WASF2: variants seen among roughly 807,000 people sequenced by gnomAD.
WASF2 encodes the protein actin-binding protein WASF2.
A neutral mutation model predicts 45.0 loss-of-function variants in WASF2; 14 were observed. The ratio of observed to expected loss-of-function variants is 0.31; its 90% CI spans 0.21 to 0.49. WASF2 has a LOEUF of 0.49. Among genes scored for constraint, WASF2 ranks in the 20% least tolerant of loss-of-function variants. The pLI is 0.99. For synonymous variants in WASF2, 200 were observed against 236.3 expected, an observed-to-expected ratio of 0.85 and a Z score of 1.41; for missense variants, 439 against 636.1, an observed-to-expected ratio of 0.69 and a Z score of 3.33.
At chr1:27,454,187 A>ATTTTTTTT (rs869057863) in intron 1 of WASF2, among the ~76,000 whole-genome samples, 1 of 12,776 alleles carries the variant, frequency 7.8e-5, no homozygotes, top group African/African-American at 2.1e-4. Context: ...ATATATATAT[A>ATTTTTTTT]TTTTTTTTTT....
intron 8 of WASF2, among the ~76,000 whole-genome samples, chr1:27,409,428 C>CAAAAAAAAAA (rs60940665): frequency 6.9e-3 from 300 of 43,458 alleles, no homozygotes; most frequent in Middle Eastern, 0.023. Flanking sequence ...CTGTCCCCCA[C>CAAAAAAAAAA]AAAAAAAAAA....
intron 1 of WASF2, among the ~76,000 whole-genome samples, chr1:27,486,970 A>G (rs2017936525): frequency 6.8e-6 from 1 of 147,930 alleles, no homozygotes; most frequent in African/African-American, 2.5e-5. Flanking sequence ...GATGATATAT[A>G]TTATATATAA....
Position 27,410,230 on chromosome 1 carries a change from CT to C in WASF2, c.825-25del. 3 of 1,613,584 alleles carry C rather than the reference CT, an allele frequency of 1.9e-6. No homozygotes were observed. Among genetic ancestry groups the C allele is most frequent in the Non-Finnish European group, 2.5e-6 (3 of 1,179,778 alleles). ...AACTAAAAGGCCAAAGAAAAAAAGACTCACCATCACCCTTAGAATGCAGACA... is the reference window on the plus strand; with the variant it reads ...AACTAAAAGGCCAAAGAAAAAAAGACCACCATCACCCTTAGAATGCAGACA... On this transcript the variant is annotated intron_variant, in intron 7 of 8. Transcript: ENST00000618852. This position sits in a 1 kb window ranked among gnomAD's most constrained non-coding sequence, Gnocchi z 4.2.
chr1:27,480,051 T>C (rs181660572), intron 1 of WASF2, among the ~76,000 whole-genome samples: 10 of 152,296 alleles, frequency 6.6e-5, no homozygotes, highest in Admixed American at 3.3e-4. Flanking sequence ...ACAGATGCCG[T>C]TGGTATTCAG....
chr1:27,435,945 G>A (rs115322418), intron 1 of WASF2, among the ~76,000 whole-genome samples: 1,599 of 152,286 alleles, frequency 0.011, 13 homozygotes, highest in Admixed American at 0.02. Context: ...GCTTCTCAAG[G>A]CAGTTCCTCT....
rs148608933 is a variant in WASF2, at chr1:27,457,798, T to C, written c.-43-28865A>G. ...ACCTCTCCTGGCTAATTTTTAAAAATTTTTGTAGAAATTAGGTATCACTAT... is the reference window on the plus strand; with the variant it reads ...ACCTCTCCTGGCTAATTTTTAAAAACTTTTGTAGAAATTAGGTATCACTAT... On this transcript the variant is annotated intron_variant, in intron 1 of 8. Transcript: ENST00000618852. Among the ~76,000 whole-genome samples the C allele has an allele frequency of 1.3e-3, 202 of 152,106 alleles. 1 individual carries two copies. Among genetic ancestry groups the C allele is most frequent in the African/African-American group, 4.6e-3 (190 of 41,524 alleles).
chr1:27,436,926 A>G (rs1215278240), intron 1 of WASF2, among the ~76,000 whole-genome samples: 2 of 152,196 alleles, frequency 1.3e-5, no homozygotes, highest in Non-Finnish European at 2.9e-5. Flanking sequence ...GGAATGACAC[A>G]CCAATTTTGT....
At chr1:27,434,105 A>G (rs1362202625) in intron 1 of WASF2, among the ~76,000 whole-genome samples, 5 of 152,220 alleles carry the variant, frequency 3.3e-5, no homozygotes, top group Non-Finnish European at 7.3e-5. Context: ...AGTTACAGGG[A>G]AGTAGATTTC....
intron 1 of WASF2, among the ~76,000 whole-genome samples, chr1:27,484,698 G>A (rs942693953): frequency 6.6e-6 from 1 of 151,900 alleles, no homozygotes; most frequent in African/African-American, 2.4e-5. Flanking sequence ...TGTAGTCCCA[G>A]CTACTCGGGA....
intron 1 of WASF2, among the ~76,000 whole-genome samples, chr1:27,436,898 T>C (rs1382932008): frequency 2.0e-5 from 3 of 152,224 alleles, no homozygotes; most frequent in African/African-American, 7.2e-5. Flanking sequence ...CTAAAAGAGA[T>C]ATTTCCAATT....
chr1:27,462,993 T>A (rs974576531), intron 1 of WASF2, among the ~76,000 whole-genome samples: 1 of 151,968 alleles, frequency 6.6e-6, no homozygotes, highest in African/African-American at 2.4e-5. Flanking sequence ...CTAATTTTAG[T>A]ATTTTTAGTA....
At chr1:27,459,137 A>C (rs1293425542) in intron 1 of WASF2, among the ~76,000 whole-genome samples, 1 of 151,672 alleles carries the variant, frequency 6.6e-6, no homozygotes, top group Non-Finnish European at 1.5e-5. Flanking sequence ...AAAAAAAAAA[A>C]GTTTCAGAGG....
intron 1 of WASF2, among the ~76,000 whole-genome samples, chr1:27,445,201 A>AT (rs1215866781): frequency 6.6e-6 from 1 of 152,202 alleles, no homozygotes; most frequent in Non-Finnish European, 1.5e-5. Flanking sequence ...AATGTACCAG[A>AT]TATTTATTCA....
In WASF2 at chr1:27,419,183, AACACATACATAT is replaced by A. The variant is rs878919952; in HGVS notation, c.131-107_131-96del. On this transcript the variant is annotated intron_variant, in intron 2 of 8. Transcript: ENST00000618852. The stretch of plus-strand genomic sequence containing the variant: ...TAAAGATCGTGTTCCCTAACCCCCA[AACACATACATAT>A]ACACACACATACCCTAAGACGGTTT... 4.3e-6 allele frequency: 6 copies of A among 1,383,424 alleles called. No homozygotes were observed. In the South Asian group the frequency reaches 7.3e-5, roughly 17 times the overall value. 85.7% of individuals were successfully genotyped at this position (1,383,424 alleles called of 1,614,324 possible).
At chr1:27,478,747 T>A (rs2017805822) in intron 1 of WASF2, among the ~76,000 whole-genome samples, 1 of 151,922 alleles carries the variant, frequency 6.6e-6, no homozygotes, top group Non-Finnish European at 1.5e-5. Context: ...CACACCCAGA[T>A]AATTTTTTGT....
At chr1:27,412,795 G>C (rs1415935310) in intron 6 of WASF2, 68 bp from the exon 7 acceptor site, 1 of 1,578,168 alleles carries the variant, frequency 6.3e-7, no homozygotes, top group East Asian at 2.2e-5. Flanking sequence ...TTCTTAAAAG[G>C]TACTACAAAA....
chr1:27,426,328 G>A lies in WASF2; in HGVS notation c.130+2433C>T, dbSNP rs115190747. 2.5e-3 allele frequency among the ~76,000 whole-genome samples: 387 copies of A among 152,278 alleles called. 1 individual carries two copies. The highest frequency in any genetic ancestry group is 0.01 in the Middle Eastern group (3 of 294). On this transcript the variant is annotated intron_variant, in intron 2 of 8. Coordinates refer to ENST00000618852, the MANE Select transcript of WASF2 (RefSeq NM_006990.5). Reference sequence around the variant, plus strand: ...TATAGGAACAGATTTAAGGGGGTTGGATCAGAGAAAGAAGGTAGAGGGAGG... The same window carrying A: ...TATAGGAACAGATTTAAGGGGGTTGAATCAGAGAAAGAAGGTAGAGGGAGG...
At chr1:27,418,871 T>A in intron 3 of WASF2, 83 bp downstream of exon 3, 2 of 1,499,678 alleles carry the variant, frequency 1.3e-6, no homozygotes, top group South Asian at 2.6e-5. Context: ...CCTCACGTTT[T>A]TTTTTTTTTA....
chr1:27,444,807 C>T lies in WASF2; in HGVS notation c.-43-15874G>A, dbSNP rs541351092. Among the ~76,000 whole-genome samples, 5 of 152,310 alleles carry T rather than the reference C, an allele frequency of 3.3e-5. No individual in the cohort carries two copies. The East Asian group carries it at 9.6e-4, about 29-fold the overall frequency. ...ATTTTCACTTTAAGTACTTTGAAGG[C>T]AATACATTCTTCAAGAGACTATTAT... is the stretch of plus-strand genomic sequence containing the variant. On this transcript the variant is annotated intron_variant, in intron 1 of 8. Transcript: ENST00000618852.
Sources: allele counts gnomAD v4.1 joint callset (sites outside exome capture counted in the v4.1 genomes callset), GRCh38; gene constraint gnomAD v4.1.1; non-coding constraint Gnocchi (gnomAD v3.1); transcripts MANE v1.5; gene names NCBI Gene and HGNC (gene_info 2026-07-23, HGNC 2026-07-21).